Variants in RTTN observed in about 807,000 individuals in gnomAD.
The protein encoded by RTTN is rotatin.
A neutral mutation model predicts 269.2 loss-of-function variants in RTTN; 182 were observed. That is an observed-to-expected ratio of 0.68 (90% CI 0.60 to 0.76). RTTN has a LOEUF of 0.76. Among genes scored for constraint, RTTN ranks in the 30% least tolerant of loss-of-function variants. The pLI, the probability that RTTN is intolerant of heterozygous loss-of-function variation, is 0.00. For missense variants in RTTN, 2,545 were observed against 2,608.6 expected, an observed-to-expected ratio of 0.98 and a Z score of 0.53; for synonymous variants, 1,006 against 963.5, an observed-to-expected ratio of 1.04 and a Z score of -0.82.
At chr18:70,115,244 C>G (rs1444880879) in intron 26 of RTTN, among the ~76,000 whole-genome samples, 1 of 151,866 alleles carries the variant, frequency 6.6e-6, no homozygotes, top group Non-Finnish European at 1.5e-5. Context: ...TGTACCAATA[C>G]ATACAATTAC....
At chr18:70,196,351 G>A (rs960912798) in intron 7 of RTTN, 150 bp downstream of exon 7, 3 of 577,244 alleles carry the variant, frequency 5.2e-6, no homozygotes, top group Non-Finnish European at 8.5e-6. Context: ...CACGCAATCT[G>A]TAAAGATAAT....
rs769662761 is a variant in RTTN at position 70,020,806 on chromosome 18, G to A, written c.5962C>T (p.Leu1988Phe). Residue 1988 changes from leucine to phenylalanine, a missense_variant, in exon 45 of 49, where the codon CTT (leucine) becomes TTT (phenylalanine). By Grantham distance (22) the Leu-to-Phe change is conservative. Coordinates refer to ENST00000640769, the MANE Select transcript of RTTN (RefSeq NM_173630.4). ...TGTTGTCCACAACTTGACCAACAAA[G>A]AGAACTGCAACCTTCAAAAATAACA... is the stretch of plus-strand genomic sequence containing the variant. ...TANFPNGCSS[L>F]CWSSCGQHPV... 2.0e-5 allele frequency: 33 copies of A among 1,611,574 alleles called. No individual in the cohort carries two copies. The Admixed American group carries it at 4.0e-4, about 20-fold the overall frequency.
At chr18:70,034,486 A>T (rs2057112372) in intron 40 of RTTN, among the ~76,000 whole-genome samples, 1 of 152,198 alleles carries the variant, frequency 6.6e-6, no homozygotes. Flanking sequence ...TTTCAGTAAA[A>T]TTCAACATCT....
chr18:70,093,765 T>A (rs2058919412), intron 28 of RTTN, among the ~76,000 whole-genome samples: 1 of 152,208 alleles, frequency 6.6e-6, no homozygotes, highest in Admixed American at 6.5e-5. Flanking sequence ...AAATTTTCTT[T>A]TTTTGTTGTG....
intron 7 of RTTN, chr18:70,194,699 A>AATTCT (rs2061759694): frequency 6.6e-6 from 1 of 152,242 alleles, no homozygotes; most frequent in Non-Finnish European, 1.5e-5. Flanking sequence ...CCAGACACAA[A>AATTCT]AGGACAAATA....
At position 70,047,992 on chromosome 18, in the gene RTTN, T is replaced by C; in HGVS notation, c.5520A>G (p.Gln1840=). 1.2e-6 allele frequency: 2 copies of C among 1,613,838 alleles called. No homozygotes were observed. Among genetic ancestry groups the C allele is most frequent in the Non-Finnish European group, 1.7e-6 (2 of 1,179,732 alleles). The change falls in exon 40 of 49, where the codon CAA becomes CAG. Residue 1840 remains glutamine, a synonymous_variant. Transcript: ENST00000640769. ...DSQENQKSLE[Q]LSDVILQCYE... ...GTACCTGAAGGATTACATCACTAAG[T>C]TGTTCTAGAGATTTCTGATTTTCCT...
intron 18 of RTTN, among the ~76,000 whole-genome samples, chr18:70,144,874 G>A (rs370801535): frequency 3.3e-5 from 5 of 152,332 alleles, no homozygotes; most frequent in African/African-American, 1.2e-4. Context: ...CAGACAGATT[G>A]CAAACTTGAG....
At position 70,121,686 on chromosome 18, in the gene RTTN, A is replaced by C; in HGVS notation, c.3398T>G (p.Leu1133Arg). 1 of 1,553,806 alleles carries C rather than the reference A, an allele frequency of 6.4e-7. No individual in the cohort carries two copies. Among genetic ancestry groups the C allele is most frequent in the South Asian group, 1.2e-5 (1 of 81,636 alleles). ...TTTCTCATCTTCAGTGCAAGCAGGAAGCACCTGTAAAAACCTATAATGAAA... is the reference window on the plus strand; with the variant it reads ...TTTCTCATCTTCAGTGCAAGCAGGACGCACCTGTAAAAACCTATAATGAAA... ...HTALNRFLQV[L>R]PACTEDEKLL... Residue 1133 changes from leucine (L) to arginine (R), a missense_variant, in exon 26 of 49, where the codon CTT becomes CGT. Physicochemically the swap from Leu to Arg is moderately radical, Grantham distance 102 (BLOSUM62 -2). Transcript: ENST00000640769.
Position 70,127,704 on chromosome 18 carries a change from G to A in RTTN, c.3181C>T (p.Leu1061Phe), listed in dbSNP as rs746426456. The change falls in exon 25 of 49, where the codon CTC becomes TTC. Residue 1061 changes from leucine to phenylalanine, a missense_variant. Coordinates refer to ENST00000640769, the MANE Select transcript of RTTN (RefSeq NM_173630.4). ...DALKLSTEDI[L>F]TLKITHMASG... Reference sequence around the variant, plus strand: ...GCCATGTGTGTTATCTTCAGAGTGAGGATGTCCTCTGTAGATAACTTCAAT... The same window carrying A: ...GCCATGTGTGTTATCTTCAGAGTGAAGATGTCCTCTGTAGATAACTTCAAT... The A allele has an allele frequency of 6.2e-7, 1 of 1,611,688 alleles. No individual in the cohort carries two copies. Among genetic ancestry groups the A allele is most frequent in the Admixed American group, 1.7e-5 (1 of 59,812 alleles).
chr18:70,072,011 A>C (rs1208598861), intron 34 of RTTN, among the ~76,000 whole-genome samples: 1 of 152,202 alleles, frequency 6.6e-6, no homozygotes, highest in South Asian at 2.1e-4. Context: ...TTTTTTATAC[A>C]TAAGAAAGTA....
At chr18:70,025,078 G>A (rs955314485) in intron 43 of RTTN, among the ~76,000 whole-genome samples, 2 of 152,190 alleles carry the variant, frequency 1.3e-5, no homozygotes, top group African/African-American at 2.4e-5. Flanking sequence ...GTACCACTAA[G>A]TTAGGAAGCA....
chr18:70,057,739 T>C lies in RTTN; in HGVS notation c.5031+3A>G. 1 of 1,612,442 alleles carries C rather than the reference T, an allele frequency of 6.2e-7. No homozygotes were observed. The highest frequency in any genetic ancestry group is 8.5e-7 in the Non-Finnish European group (1 of 1,178,618). ...AACCCACAAACAGACTTGAGATGCT[T>C]ACCTGAGCCTGAGTGTGTTCAGCTG... On this transcript the variant is annotated splice_donor_region_variant and intron_variant, in intron 37 of 48. Transcript: ENST00000640769.
At chr18:70,199,080 A>C (rs565787159) in intron 5 of RTTN, among the ~76,000 whole-genome samples, 1 of 152,230 alleles carries the variant, frequency 6.6e-6, no homozygotes, top group African/African-American at 2.4e-5. Context: ...CCAGCTACTC[A>C]GGAGGCTGTG....
intron 18 of RTTN, among the ~76,000 whole-genome samples, chr18:70,144,608 T>C (rs2060341683): frequency 6.6e-6 from 1 of 152,158 alleles, no homozygotes. Context: ...TCTCCCCGCC[T>C]TCCTCCATAC....
intron 48 of RTTN, 43 bp downstream of exon 48, chr18:70,005,155 A>T: frequency 6.9e-7 from 1 of 1,447,050 alleles, no homozygotes; most frequent in South Asian, 1.2e-5. Context: ...TCCACTTAAT[A>T]GCTTCTGAGT....
At chr18:70,087,387 A>G (rs73466774) in intron 31 of RTTN, among the ~76,000 whole-genome samples, 108 of 152,336 alleles carry the variant, frequency 7.1e-4, no homozygotes, top group African/African-American at 2.4e-3. Flanking sequence ...ATCACTACTT[A>G]AAAACATGAA....
intron 27 of RTTN, 77 bp from the exon 28 acceptor site, chr18:70,109,794 A>T: frequency 8.6e-7 from 1 of 1,159,370 alleles, no homozygotes; most frequent in Non-Finnish European, 1.3e-6. Flanking sequence ...TGGCTATAAA[A>T]GGTTACTTAA....
chr18:70,073,369 T>C (rs2058346743), intron 34 of RTTN, among the ~76,000 whole-genome samples: 1 of 152,164 alleles, frequency 6.6e-6, no homozygotes, highest in Non-Finnish European at 1.5e-5. Flanking sequence ...GATAAACTTC[T>C]ATGTGATGCA....
In RTTN at chr18:70,030,862, G is replaced by T; in HGVS notation, c.5647+14C>A. 1.3e-6 allele frequency: 2 copies of T among 1,585,244 alleles called. No homozygotes were observed. Among genetic ancestry groups the T allele is most frequent in the Non-Finnish European group, 8.6e-7 (1 of 1,157,658 alleles). ...ATAATGCCATCAAAACAGCTGATGTGTCATGTGGCTCACCTTTCAAAGCAT... is the reference window on the plus strand; with the variant it reads ...ATAATGCCATCAAAACAGCTGATGTTTCATGTGGCTCACCTTTCAAAGCAT... On this transcript the variant is annotated intron_variant, in intron 41 of 48. Coordinates refer to ENST00000640769, the MANE Select transcript of RTTN (RefSeq NM_173630.4).
Sources: allele counts gnomAD v4.1 joint callset (sites outside exome capture counted in the v4.1 genomes callset), GRCh38; gene constraint gnomAD v4.1.1; transcripts MANE v1.5; gene names NCBI Gene and HGNC (gene_info 2026-07-23, HGNC 2026-07-21).